Variants in SYNDIG1 observed in about 807,000 individuals in gnomAD.
SYNDIG1 encodes the protein synapse differentiation-inducing gene protein 1.
A neutral mutation model predicts 19.4 loss-of-function variants in SYNDIG1; 9 were observed. The ratio of observed to expected loss-of-function variants is 0.46; its 90% confidence interval spans 0.28 to 0.81. SYNDIG1 has a LOEUF of 0.81. SYNDIG1 is among the 30% of genes least tolerant of loss of function. The pLI, the probability that SYNDIG1 is intolerant of heterozygous loss-of-function variation, is 0.12. For missense variants in SYNDIG1, 311 were observed against 343.3 expected, an observed-to-expected ratio of 0.91 and a Z score of 0.74; for synonymous variants, 141 against 145.9, an observed-to-expected ratio of 0.97 and a Z score of 0.24.
intron 1 of SYNDIG1, among the ~76,000 whole-genome samples, chr20:24,500,534 T>C (rs867915014): frequency 0.032 from 4,613 of 142,132 alleles, 131 homozygotes; most frequent in African/African-American, 0.078. Flanking sequence ...TTCTTTCTTC[T>C]TTCTTTCTTT....
At chr20:24,641,806 A>G (rs1174651182) in intron 3 of SYNDIG1, among the ~76,000 whole-genome samples, 1 of 152,184 alleles carries the variant, frequency 6.6e-6, no homozygotes, top group Non-Finnish European at 1.5e-5. Flanking sequence ...GTCCCATGCC[A>G]CGCCCTGATG....
chr20:24,615,398 G>T (rs1036983993), intron 3 of SYNDIG1, among the ~76,000 whole-genome samples: 1 of 152,142 alleles, frequency 6.6e-6, no homozygotes, highest in Non-Finnish European at 1.5e-5. Context: ...CAGGTTCTAC[G>T]CTCTTACAGC....
chr20:24,608,385 G>T (rs1023678466), intron 3 of SYNDIG1, among the ~76,000 whole-genome samples: 2 of 152,014 alleles, frequency 1.3e-5, no homozygotes, highest in Non-Finnish European at 2.9e-5. Flanking sequence ...CATCATGTTG[G>T]CCAGGCTGTT....
chr20:24,477,814 G>A (rs1458570130), intron 1 of SYNDIG1, among the ~76,000 whole-genome samples: 1 of 152,216 alleles, frequency 6.6e-6, no homozygotes, highest in African/African-American at 2.4e-5. Context: ...AGGCTGGGGT[G>A]CGATGGAGGG....
intron 1 of SYNDIG1, among the ~76,000 whole-genome samples, chr20:24,493,680 A>G (rs1349114365): frequency 6.6e-6 from 1 of 152,226 alleles, no homozygotes; most frequent in Non-Finnish European, 1.5e-5. Flanking sequence ...GAAGATGCTC[A>G]AATGCTCAGT....
chr20:24,652,412 G>A (rs2059482194), intron 3 of SYNDIG1, among the ~76,000 whole-genome samples: 1 of 152,080 alleles, frequency 6.6e-6, no homozygotes, highest in African/African-American at 2.4e-5. Flanking sequence ...AAACTTATAT[G>A]AGCTCCTCCA....
At chr20:24,489,204 A>G (rs1256370530) in intron 1 of SYNDIG1, among the ~76,000 whole-genome samples, 1 of 152,166 alleles carries the variant, frequency 6.6e-6, no homozygotes, top group Non-Finnish European at 1.5e-5. Context: ...TCACATGGAC[A>G]CAGATAGATG....
At chr20:24,572,598 T>C (rs1413735822) in intron 2 of SYNDIG1, among the ~76,000 whole-genome samples, 1 of 152,174 alleles carries the variant, frequency 6.6e-6, no homozygotes, top group African/African-American at 2.4e-5. Context: ...AAGAAGCTTC[T>C]GGTGCCCTTG....
chr20:24,482,158 C>G (rs1020916538), intron 1 of SYNDIG1, among the ~76,000 whole-genome samples: 1 of 152,156 alleles, frequency 6.6e-6, no homozygotes, highest in African/African-American at 2.4e-5. Flanking sequence ...GAAAGAAATA[C>G]ATGGAAAAAC....
intron 1 of SYNDIG1, among the ~76,000 whole-genome samples, chr20:24,478,059 A>G (rs913314406): frequency 1.3e-5 from 2 of 152,332 alleles, no homozygotes; most frequent in Middle Eastern, 3.4e-3. Context: ...GCCTCACCAC[A>G]GGGCCGCCTG....
chr20:24,507,786 G>T (rs563684881), intron 1 of SYNDIG1, among the ~76,000 whole-genome samples: 1 of 152,188 alleles, frequency 6.6e-6, no homozygotes, highest in Non-Finnish European at 1.5e-5. Flanking sequence ...GGCCTCCTGC[G>T]GCCATCTGTT....
At chr20:24,504,085 G>A (rs754327409) in intron 1 of SYNDIG1, among the ~76,000 whole-genome samples, 1 of 150,494 alleles carries the variant, frequency 6.6e-6, no homozygotes, top group Admixed American at 6.7e-5. Flanking sequence ...TCAGCCTCCT[G>A]AGTAGCTGGG....
At chr20:24,576,441 T>C (rs1005324104) in intron 2 of SYNDIG1, among the ~76,000 whole-genome samples, 4 of 152,228 alleles carry the variant, frequency 2.6e-5, no homozygotes, top group African/African-American at 9.6e-5. Flanking sequence ...GCGTTTCTGC[T>C]GTACCTGCTT....
chr20:24,544,604 A>C (rs578194477), intron 2 of SYNDIG1, among the ~76,000 whole-genome samples: 15 of 151,956 alleles, frequency 9.9e-5, no homozygotes, highest in African/African-American at 3.6e-4. Context: ...CCAAGCATGT[A>C]TGTGTGAGAG....
intron 3 of SYNDIG1, among the ~76,000 whole-genome samples, chr20:24,648,402 C>T (rs1048965963): frequency 4.6e-5 from 7 of 152,236 alleles, no homozygotes; most frequent in African/African-American, 1.4e-4. Context: ...TGTGTCCACT[C>T]TGACTACTGA....
intron 3 of SYNDIG1, among the ~76,000 whole-genome samples, chr20:24,647,359 A>C (rs1459438549): frequency 6.6e-6 from 1 of 152,200 alleles, no homozygotes; most frequent in Non-Finnish European, 1.5e-5. Context: ...CATGCGGCAG[A>C]ATCGGGGGAA....
At chr20:24,662,299 T>A (rs2059611901) in intron 3 of SYNDIG1, among the ~76,000 whole-genome samples, 1 of 152,094 alleles carries the variant, frequency 6.6e-6, no homozygotes, top group Non-Finnish European at 1.5e-5. Context: ...GGCGCAAGTT[T>A]ACTTTTACTC....
intron 3 of SYNDIG1, 60 bp downstream of exon 3, chr20:24,585,053 G>GGGGGGGCC: frequency 1.5e-6 from 1 of 647,976 alleles, no homozygotes; most frequent in Non-Finnish European, 2.7e-6. Context: ...GGGGGTGGGG[G>GGGGGGGCC]CGGCAATCCC....
At chr20:24,655,403 A>G (rs1035774201) in intron 3 of SYNDIG1, among the ~76,000 whole-genome samples, 1 of 152,234 alleles carries the variant, frequency 6.6e-6, no homozygotes, top group Admixed American at 6.5e-5. Context: ...GGGTAGGGAC[A>G]GAGGTTTCCA....
Sources: allele counts gnomAD v4.1 joint callset (sites outside exome capture counted in the v4.1 genomes callset), GRCh38; gene constraint gnomAD v4.1.1; transcripts MANE v1.5; gene names NCBI Gene and HGNC (gene_info 2026-07-23, HGNC 2026-07-21).